The following SLC66A3 variants were observed in gnomAD, a reference collection of about 807,000 sequenced individuals.
SLC66A3 encodes the protein solute carrier family 66 member 3, also known as PQ loop repeat containing 3.
A neutral mutation model predicts 25.5 loss-of-function variants in SLC66A3; 23 were observed. The observed-to-expected ratio is 0.90, with a 90% CI of 0.65 to 1.28. SLC66A3 has a LOEUF of 1.28. SLC66A3 is among the 50% of genes most tolerant of loss of function. The pLI, the probability that SLC66A3 is intolerant of heterozygous loss-of-function variation, is 0.00. For missense variants in SLC66A3, 246 were observed against 262.1 expected (o/e 0.94, Z 0.42); for synonymous variants, 108 against 112.6 (o/e 0.96, Z 0.26).
At chr2:11,156,882 G>A (rs1180154652) in intron 1 of SLC66A3, among the ~76,000 whole-genome samples, 2 of 152,208 alleles carry the variant, frequency 1.3e-5, no homozygotes, top group Admixed American at 6.5e-5. Context: ...GGAGCAGAGA[G>A]GCTGGAGCGA....
intron 3 of SLC66A3, among the ~76,000 whole-genome samples, chr2:11,163,273 T>A (rs1429639351): frequency 1.3e-5 from 2 of 152,170 alleles, no homozygotes; most frequent in African/African-American, 4.8e-5. Flanking sequence ...TCAAATTTTA[T>A]AAAATGTATA....
Position 11,155,579 on chromosome 2 carries a change from G to T in SLC66A3, c.33G>T (p.Trp11Cys). 6.6e-7 allele frequency: 1 copy of T among 1,516,194 alleles called. No homozygotes were observed. The highest frequency in any genetic ancestry group is 8.8e-7 in the Non-Finnish European group (1 of 1,141,714). 93.9% of individuals were successfully genotyped at this position (1,516,194 alleles called of 1,614,324 possible). MEAALLGLCN[W>C]STLGVCAALK... ...CGGCGCTGCTGGGGCTGTGTAACTG[G>T]AGCACGCTGGGCGTGTGCGCCGCGC... Residue 11 changes from tryptophan to cysteine, a missense_variant, in exon 1 of 7, where the codon TGG (tryptophan) becomes TGT (cysteine). Physicochemically the swap from Trp to Cys is radical, Grantham distance 215. Around this residue, in one of 3 missense-constraint regions of SLC66A3, gnomAD observed 142 missense variants for 130.3 expected, o/e 1.09. Transcript: ENST00000295083.
At chr2:11,162,450 A>G (rs994108762) in intron 3 of SLC66A3, among the ~76,000 whole-genome samples, 1 of 152,216 alleles carries the variant, frequency 6.6e-6, no homozygotes, top group Non-Finnish European at 1.5e-5. Context: ...TGCAGATTAG[A>G]AAATTTGGGT....
In SLC66A3 at chr2:11,167,793, C is replaced by T. The variant is rs557425070; in HGVS notation, c.354+3532C>T. ...AGAGCTCACACATGGTAGCAAAACC[C>T]CAGAATCCTAGAGAGGAGCGGGTGC... On this transcript the variant is annotated intron_variant, in intron 4 of 6. Coordinates refer to ENST00000295083, the MANE Select transcript of SLC66A3 (RefSeq NM_152391.5). Among the ~76,000 whole-genome samples, 44 of 152,152 alleles carry T rather than the reference C, an allele frequency of 2.9e-4. No individual in the cohort carries two copies. The South Asian group carries it at 9.1e-3, about 32-fold the overall frequency.
chr2:11,167,598 C>T (rs1662388546), intron 4 of SLC66A3, among the ~76,000 whole-genome samples: 3 of 152,206 alleles, frequency 2.0e-5, no homozygotes. Flanking sequence ...TTTCCTTTAT[C>T]ATGCAAGGGC....
intron 6 of SLC66A3, among the ~76,000 whole-genome samples, chr2:11,177,152 A>AT (rs1662783511): frequency 6.6e-6 from 1 of 152,034 alleles, no homozygotes. Flanking sequence ...GAGTAAAGGG[A>AT]TTTTTAAAAG....
intron 4 of SLC66A3, among the ~76,000 whole-genome samples, chr2:11,167,956 T>C (rs573755651): frequency 3.3e-5 from 5 of 152,304 alleles, no homozygotes; most frequent in Non-Finnish European, 7.3e-5. Context: ...ACTCATAGTT[T>C]ATTCACAAGA....
At chr2:11,168,076 C>A (rs995940843) in intron 4 of SLC66A3, among the ~76,000 whole-genome samples, 9 of 152,080 alleles carry the variant, frequency 5.9e-5, no homozygotes, top group Admixed American at 5.2e-4. Flanking sequence ...GTCAGGAGAT[C>A]AAGACCATCC....
At chr2:11,164,467 G>A (rs1423509024) in intron 4 of SLC66A3, among the ~76,000 whole-genome samples, 2 of 149,946 alleles carry the variant, frequency 1.3e-5, no homozygotes, top group Non-Finnish European at 3.0e-5. Context: ...TCAGCCTCTC[G>A]AGTAGCTGGG....
At chr2:11,171,769 C>T (rs190520586) in intron 4 of SLC66A3, among the ~76,000 whole-genome samples, 156 bp from the exon 5 acceptor site, 2,202 of 152,228 alleles carry the variant, frequency 0.014, 28 homozygotes, top group Non-Finnish European at 0.023. Context: ...GGTGTTTCAC[C>T]GTGCTAGCCA....
intron 1 of SLC66A3, among the ~76,000 whole-genome samples, chr2:11,159,139 G>C (rs1662021971): frequency 6.6e-6 from 1 of 152,222 alleles, no homozygotes; most frequent in South Asian, 2.1e-4. Context: ...CTGCGTCCCA[G>C]GGGTCAGCAC....
intron 5 of SLC66A3, among the ~76,000 whole-genome samples, chr2:11,173,149 C>A (rs1264314503): frequency 6.6e-6 from 1 of 152,160 alleles, no homozygotes; most frequent in Admixed American, 6.5e-5. Context: ...AGGCATGAGC[C>A]ACCGCGCCCA....
At chr2:11,172,132 T>C in intron 5 of SLC66A3, 87 bp downstream of exon 5, 2 of 1,341,662 alleles carry the variant, frequency 1.5e-6, no homozygotes, top group Non-Finnish European at 2.1e-6. Context: ...TGAAGTAACA[T>C]GGTCCCTGGC....
chr2:11,177,512 C>A (rs1308599400), intron 6 of SLC66A3, among the ~76,000 whole-genome samples: 1 of 151,720 alleles, frequency 6.6e-6, no homozygotes, highest in Non-Finnish European at 1.5e-5. Context: ...AGCCACATTA[C>A]TGTCAATTGA....
chr2:11,171,299 C>T (rs1184838116), intron 4 of SLC66A3, among the ~76,000 whole-genome samples: 1 of 152,238 alleles, frequency 6.6e-6, no homozygotes, highest in East Asian at 1.9e-4. Context: ...GTCTGGGCAA[C>T]AGAGTGAGAC....
chr2:11,170,431 C>A (rs936575137), intron 4 of SLC66A3, among the ~76,000 whole-genome samples: 2 of 152,150 alleles, frequency 1.3e-5, no homozygotes, highest in Non-Finnish European at 2.9e-5. Context: ...TTGTGAGGAT[C>A]TCTTACCTCA....
chr2:11,163,186 T>C (rs1342438777), intron 3 of SLC66A3, among the ~76,000 whole-genome samples: 1 of 152,202 alleles, frequency 6.6e-6, no homozygotes. Flanking sequence ...TAACTGGGTG[T>C]CCTGTACTTT....
rs531650340 is a variant in SLC66A3, at chr2:11,171,820, G to A, written c.355-105G>A. 7.4e-5 allele frequency: 87 copies of A among 1,170,280 alleles called. No homozygotes were observed. The East Asian group carries it at 1.9e-3, about 25-fold the overall frequency. The allele number at this position is 1,170,280 out of a possible 1,614,324, so 72.5% of individuals were successfully genotyped here. On this transcript the variant is annotated intron_variant, in intron 4 of 6. Coordinates refer to ENST00000295083, the MANE Select transcript of SLC66A3 (RefSeq NM_152391.5). Reference sequence around the variant, plus strand: ...CCTGACCTCATGATCTGCCTGCCTCGGCCTCCCAAAGTGCTGGAATTACAG... The same window carrying A: ...CCTGACCTCATGATCTGCCTGCCTCAGCCTCCCAAAGTGCTGGAATTACAG...
chr2:11,168,142 G>A (rs534936869), intron 4 of SLC66A3, among the ~76,000 whole-genome samples: 22 of 152,046 alleles, frequency 1.4e-4, no homozygotes, highest in African/African-American at 2.2e-4. Context: ...AAAATTAGCC[G>A]GGTGTGGTGG....
Sources: gnomAD v4.1 joint callset for allele counts (sites outside exome capture counted in the v4.1 genomes callset) on GRCh38, gnomAD v4.1.1 for gene constraint, gnomAD v4.1.1 regional missense constraint, MANE v1.5 for transcripts, NCBI Gene and HGNC (gene_info 2026-07-23, HGNC 2026-07-21) for gene names.